The following OSBPL2 variants were observed in gnomAD, a reference collection of about 807,000 sequenced individuals.
OSBPL2 encodes oxysterol binding protein like 2.
A neutral mutation model predicts 58.4 loss-of-function variants in OSBPL2; 18 were observed. The ratio of observed to expected loss-of-function variants is 0.31; its 90% CI spans 0.21 to 0.46. OSBPL2 has a LOEUF of 0.46. Ranked by LOEUF, OSBPL2 falls within the 20% of genes least tolerant of loss-of-function variation. The probability of loss-of-function intolerance (pLI) is 1.00; values close to 1 mark genes in which losing one functional copy is unlikely to be tolerated. For synonymous variants in OSBPL2, 221 were observed against 234.1 expected (o/e 0.94, Z 0.51); for missense variants, 461 against 616.5 (o/e 0.75, Z 2.67).
At chr20:62,261,667 C>A (rs1311747601) in intron 3 of OSBPL2, among the ~76,000 whole-genome samples, 1 of 152,232 alleles carries the variant, frequency 6.6e-6, no homozygotes, top group Non-Finnish European at 1.5e-5. Context: ...CTTCCATTTG[C>A]TCTGCAACAT....
chr20:62,238,958 C>G (rs1009637711), intron 1 of OSBPL2: 2 of 152,064 alleles, frequency 1.3e-5, no homozygotes, highest in East Asian at 1.9e-4. Flanking sequence ...CCTGCTGCCC[C>G]GCTGAGCAGG....
At chr20:62,267,730 G>A (rs189972480) in intron 4 of OSBPL2, among the ~76,000 whole-genome samples, 2 of 152,240 alleles carry the variant, frequency 1.3e-5, no homozygotes, top group East Asian at 3.9e-4. Flanking sequence ...GATTTAGACC[G>A]GCACGCAGTT....
chr20:62,283,955 C>G, intron 9 of OSBPL2, 91 bp from the exon 10 acceptor site: 1 of 1,310,136 alleles, frequency 7.6e-7, no homozygotes, highest in Non-Finnish European at 1.1e-6. Context: ...AGAAAACATA[C>G]CTGAGGGGAA....
rs918131538 is a variant in OSBPL2 at position 62,288,551 on chromosome 20, G to A, written c.1126-656G>A. Among the ~76,000 whole-genome samples the A allele has an allele frequency of 8.1e-5, 12 of 148,782 alleles. No homozygotes were observed. Among genetic ancestry groups the A allele is most frequent in the African/African-American group, 2.5e-4 (10 of 40,284 alleles). ...GTGCAGAGGCTGGGAGGCTGTGGGT[G>A]CAGAGGCCGGAGGCTGTGGGTGCAG... On this transcript the variant is annotated intron_variant, in intron 11 of 13. Coordinates refer to ENST00000313733, the MANE Select transcript of OSBPL2 (RefSeq NM_144498.4). The surrounding 1 kb of genome is among the most constrained non-coding windows in gnomAD (Gnocchi z 4.8).
chr20:62,268,464 G>A (rs945100987), intron 4 of OSBPL2, among the ~76,000 whole-genome samples: 9 of 152,012 alleles, frequency 5.9e-5, no homozygotes, highest in East Asian at 1.9e-4. Flanking sequence ...TCTTTCATGC[G>A]TCACACAGCT....
In OSBPL2 at chr20:62,279,217, G is replaced by A. The variant is rs769630506; in HGVS notation, c.552G>A (p.Ala184=). 4.4e-5 allele frequency: 71 copies of A among 1,614,040 alleles called. No individual in the cohort carries two copies. In the South Asian group the frequency reaches 4.5e-4, roughly 10 times the overall value. The change falls in exon 7 of 14, where the codon GCG becomes GCA. Residue 184 remains alanine, a synonymous_variant. Coordinates refer to ENST00000313733, the MANE Select transcript of OSBPL2 (RefSeq NM_144498.4). ...EQVSHHPPIS[A]FHSEGLNHDF... The stretch of plus-strand genomic sequence containing the variant: ...TCAGTCACCACCCCCCCATCAGTGC[G>A]TTCCACTCGGAAGGTCTCAACCATG...
intron 9 of OSBPL2, among the ~76,000 whole-genome samples, chr20:62,282,277 G>A (rs1487856572): frequency 6.6e-6 from 1 of 152,152 alleles, no homozygotes; most frequent in Non-Finnish European, 1.5e-5. Flanking sequence ...ACTCAAATGT[G>A]TTAGCTTGAG....
intron 3 of OSBPL2, among the ~76,000 whole-genome samples, chr20:62,261,316 CAAAAAAA>C (rs11484468): frequency 1.2e-5 from 1 of 85,734 alleles, no homozygotes; most frequent in Non-Finnish European, 2.1e-5. Context: ...ACTCCATCTC[CAAAAAAA>C]AAAAAAAAAA....
chr20:62,273,124 C>T (rs982823921), intron 5 of OSBPL2, among the ~76,000 whole-genome samples, 185 bp from the exon 6 acceptor site: 1 of 152,046 alleles, frequency 6.6e-6, no homozygotes, highest in Admixed American at 6.5e-5. Flanking sequence ...GGGGGAGTGG[C>T]GGGTGATGAA....
intron 10 of OSBPL2, chr20:62,285,669 G>C (rs1376659977): frequency 2.0e-5 from 3 of 152,596 alleles, no homozygotes; most frequent in Non-Finnish European, 4.4e-5. Flanking sequence ...CTGCTGTTTG[G>C]AAGGCACCGC....
chr20:62,266,866 C>T (rs1353170804), intron 4 of OSBPL2, among the ~76,000 whole-genome samples: 1 of 152,208 alleles, frequency 6.6e-6, no homozygotes, highest in African/African-American at 2.4e-5. Context: ...AGTGGTCTCA[C>T]GTGTTGCCCT....
At chr20:62,239,600 G>T (rs1049539020) in intron 1 of OSBPL2, among the ~76,000 whole-genome samples, 1 of 152,222 alleles carries the variant, frequency 6.6e-6, no homozygotes, top group Non-Finnish European at 1.5e-5. Context: ...CGGTTTGGTT[G>T]GATAGACGTT....
intron 1 of OSBPL2, among the ~76,000 whole-genome samples, 168 bp downstream of exon 1, chr20:62,238,765 C>A (rs1456333375): frequency 1.3e-5 from 2 of 151,408 alleles, no homozygotes; most frequent in Non-Finnish European, 3.0e-5. Context: ...CCTCGACCCC[C>A]ACTGGGAGGC....
intron 2 of OSBPL2, among the ~76,000 whole-genome samples, chr20:62,258,521 G>C (rs190459740): frequency 6.6e-6 from 1 of 152,240 alleles, no homozygotes; most frequent in Non-Finnish European, 1.5e-5. Context: ...AAGGGTTTCC[G>C]AGGGAGCCGA....
intron 1 of OSBPL2, among the ~76,000 whole-genome samples, chr20:62,252,325 C>G (rs981394630): frequency 6.6e-6 from 1 of 152,136 alleles, no homozygotes; most frequent in Non-Finnish European, 1.5e-5. Flanking sequence ...GAGAAGCCTT[C>G]CCTCTCCTTC....
chr20:62,284,288 G>A, intron 10 of OSBPL2, 119 bp downstream of exon 10: 1 of 1,133,214 alleles, frequency 8.8e-7, no homozygotes, highest in Non-Finnish European at 1.3e-6. Context: ...CACCAGGAGA[G>A]ATGAATGTGC....
At chr20:62,239,847 G>A (rs763309374) in intron 1 of OSBPL2, among the ~76,000 whole-genome samples, 1 of 152,158 alleles carries the variant, frequency 6.6e-6, no homozygotes, top group Non-Finnish European at 1.5e-5. Flanking sequence ...AAGCAAACGA[G>A]ATCATTTTCT....
At chr20:62,267,564 G>A (rs1373342717) in intron 4 of OSBPL2, among the ~76,000 whole-genome samples, 3 of 152,138 alleles carry the variant, frequency 2.0e-5, no homozygotes, top group South Asian at 2.1e-4. Context: ...GTCTTATTTC[G>A]AGGTCTGTTC....
chr20:62,250,703 T>G (rs1165590765), intron 1 of OSBPL2, among the ~76,000 whole-genome samples: 1 of 152,158 alleles, frequency 6.6e-6, no homozygotes, highest in Non-Finnish European at 1.5e-5. Context: ...GGAGGATCAC[T>G]TGAGTCCAGG....
Sources: gnomAD v4.1 joint callset for allele counts (sites outside exome capture counted in the v4.1 genomes callset) on GRCh38, gnomAD v4.1.1 for gene constraint, Gnocchi (gnomAD v3.1) non-coding constraint, MANE v1.5 for transcripts, NCBI Gene and HGNC (gene_info 2026-07-23, HGNC 2026-07-21) for gene names.